The following TMEM116 variants were observed in gnomAD, a reference collection of about 807,000 sequenced individuals.
TMEM116 encodes transmembrane protein 116.
A neutral mutation model predicts 44.3 loss-of-function variants in TMEM116; 38 were observed. The observed-to-expected ratio is 0.86, with a 90% CI of 0.66 to 1.12. The LOEUF (loss-of-function observed/expected upper bound fraction) is 1.12, where lower values mean the gene tolerates loss of function less well. TMEM116 is among the 50% of genes most tolerant of loss of function. TMEM116 has a pLI of 0.00. For missense variants in TMEM116, 354 were observed against 401.7 expected, an observed-to-expected ratio of 0.88 and a Z score of 1.01; for synonymous variants, 132 against 144.8, an observed-to-expected ratio of 0.91 and a Z score of 0.64.
At chr12:111,942,510 G>C (rs893270336) in intron 5 of TMEM116, among the ~76,000 whole-genome samples, 1 of 152,132 alleles carries the variant, frequency 6.6e-6, no homozygotes, top group Non-Finnish European at 1.5e-5. Flanking sequence ...CTGACCTCGT[G>C]ATCTGCCCGC....
chr12:111,994,879 A>G (rs968535911), intron 3 of TMEM116, among the ~76,000 whole-genome samples: 11 of 152,196 alleles, frequency 7.2e-5, no homozygotes, highest in African/African-American at 1.7e-4. Flanking sequence ...AAGGGCGTTT[A>G]TAACCCTATC....
chr12:111,994,709 A>G (rs2076833643), intron 3 of TMEM116, among the ~76,000 whole-genome samples: 1 of 152,200 alleles, frequency 6.6e-6, no homozygotes, highest in Non-Finnish European at 1.5e-5. Context: ...TCTATCCATA[A>G]CCTATGTTTA....
intron 3 of TMEM116, among the ~76,000 whole-genome samples, chr12:111,994,448 C>A (rs2076815487): frequency 6.6e-6 from 1 of 152,156 alleles, no homozygotes; most frequent in Admixed American, 6.5e-5. Context: ...CAGGGCGTCA[C>A]CGCCTTCTGG....
chr12:111,993,932 T>A (rs535417152), intron 3 of TMEM116: 7 of 676,702 alleles, frequency 1.0e-5, no homozygotes, highest in South Asian at 8.2e-5. Context: ...TTTGTCTGTA[T>A]CATTATGACT....
chr12:111,976,129 C>T (rs2075657826), intron 4 of TMEM116, among the ~76,000 whole-genome samples: 1 of 151,698 alleles, frequency 6.6e-6, no homozygotes, highest in Non-Finnish European at 1.5e-5. Context: ...CTGTCTCAGC[C>T]TCCTGAGTAG....
chr12:112,005,123 T>C (rs928331536), intron 2 of TMEM116, 134 bp downstream of exon 2: 3 of 560,316 alleles, frequency 5.4e-6, no homozygotes, highest in African/African-American at 4.0e-5. Flanking sequence ...TAAGAAAATA[T>C]CAAGATGATA....
At chr12:112,013,207 G>A (rs1393268640), upstream of TMEM116, 1 of 432,236 alleles carries the variant, frequency 2.3e-6, no homozygotes, top group Non-Finnish European at 4.1e-6. Context: ...GCGCGCGCAG[G>A]AGCCCATTTT....
At chr12:112,008,523 TCTTAA>T (rs1457316859) in intron 1 of TMEM116, among the ~76,000 whole-genome samples, 6 of 151,914 alleles carry the variant, frequency 3.9e-5, no homozygotes. Context: ...CTATCCCAGT[TCTTAA>T]CTTATTGGGC....
chr12:112,000,158 C>T (rs2077171715), intron 3 of TMEM116, among the ~76,000 whole-genome samples: 1 of 152,046 alleles, frequency 6.6e-6, no homozygotes, highest in South Asian at 2.1e-4. Context: ...AGTATTACTC[C>T]TCAATAGTGT....
chr12:111,936,674 G>A lies in TMEM116; in HGVS notation c.588+18C>T. 2 of 1,610,322 alleles carry A rather than the reference G, an allele frequency of 1.2e-6. No individual in the cohort carries two copies. The highest frequency in any genetic ancestry group is 1.7e-6 in the Non-Finnish European group (2 of 1,178,570). ...ATTTCCTCATCTCTCCACAAAGGAAGGTAGGGTGGTACCATACCATAATGG... is the reference window on the plus strand; with the variant it reads ...ATTTCCTCATCTCTCCACAAAGGAAAGTAGGGTGGTACCATACCATAATGG... On this transcript the variant is annotated intron_variant, in intron 8 of 10. Transcript: ENST00000552374.
intron 4 of TMEM116, among the ~76,000 whole-genome samples, chr12:111,958,561 G>T (rs2074338738): frequency 6.6e-6 from 1 of 152,092 alleles, no homozygotes; most frequent in Admixed American, 6.6e-5. Flanking sequence ...AGTTAAAGGA[G>T]CACATTCTAA....
chr12:111,995,069 T>C (rs1180162157), intron 3 of TMEM116, among the ~76,000 whole-genome samples: 2 of 152,190 alleles, frequency 1.3e-5, no homozygotes, highest in African/African-American at 2.4e-5. Context: ...TCACGCACTG[T>C]TGGCTCATTC....
chr12:111,960,438 G>C (rs1000761703), intron 4 of TMEM116, among the ~76,000 whole-genome samples: 2 of 140,700 alleles, frequency 1.4e-5, no homozygotes, highest in Non-Finnish European at 3.0e-5. Flanking sequence ...CTTGCAGTGA[G>C]CCGAGATTGC....
At chr12:111,972,493 T>A (rs1472311740) in intron 4 of TMEM116, among the ~76,000 whole-genome samples, 1 of 152,232 alleles carries the variant, frequency 6.6e-6, no homozygotes, top group Non-Finnish European at 1.5e-5. Flanking sequence ...AGAATTGATA[T>A]TTATAGAATA....
intron 9 of TMEM116, among the ~76,000 whole-genome samples, chr12:111,933,623 G>A (rs1010738560): frequency 2.0e-5 from 3 of 151,086 alleles, no homozygotes; most frequent in African/African-American, 7.3e-5. Flanking sequence ...CAAGTAGCTG[G>A]GACTATAGGC....
chr12:111,975,005 C>T (rs1416161755), intron 4 of TMEM116, among the ~76,000 whole-genome samples: 1 of 152,130 alleles, frequency 6.6e-6, no homozygotes, highest in African/African-American at 2.4e-5. Context: ...CTGAAGAAGA[C>T]CTAAGCAATT....
At chr12:112,003,066 A>G (rs528115160) in intron 3 of TMEM116, among the ~76,000 whole-genome samples, 36 of 152,354 alleles carry the variant, frequency 2.4e-4, no homozygotes, top group South Asian at 4.1e-4. Context: ...AATTGCCTAG[A>G]AGGCCAGAGA....
At position 112,013,113 on chromosome 12, in the gene TMEM116, A is replaced by G. The variant is rs998902193; in HGVS notation, c.-145T>C. On this transcript the variant is annotated 5_prime_UTR_variant, in exon 1 of 11. Transcript: ENST00000552374. ...GGAAGGACAGCAAACGAATTGCTATAGCGTCCCCATGCGCACTTGGCGCTT... is the reference window on the plus strand; with the variant it reads ...GGAAGGACAGCAAACGAATTGCTATGGCGTCCCCATGCGCACTTGGCGCTT... 1 of 262,846 alleles carries G rather than the reference A, an allele frequency of 3.8e-6. No individual in the cohort carries two copies. Among genetic ancestry groups the G allele is most frequent in the Non-Finnish European group, 7.3e-6 (1 of 137,066 alleles). 16.3% of individuals were successfully genotyped at this position (262,846 alleles called of 1,614,324 possible). A position where few individuals can be genotyped will look rare whatever the true frequency, so the allele number is the denominator to read the frequency against.
chr12:111,936,637 C>A, intron 8 of TMEM116, 55 bp downstream of exon 8: 1 of 1,586,710 alleles, frequency 6.3e-7, no homozygotes, highest in Non-Finnish European at 8.6e-7. Context: ...GGAATACTGG[C>A]CCATCCCCTT....
Sources: gnomAD v4.1 joint callset for allele counts (sites outside exome capture counted in the v4.1 genomes callset) on GRCh38, gnomAD v4.1.1 for gene constraint, MANE v1.5 for transcripts, NCBI Gene and HGNC (gene_info 2026-07-23, HGNC 2026-07-21) for gene names.